Variants in UNC5D observed in about 807,000 individuals in gnomAD.
UNC5D encodes the protein unc-5 netrin receptor D.
A neutral mutation model predicts 105.4 loss-of-function variants in UNC5D; 39 were observed. The observed-to-expected ratio is 0.37, with a 90% CI of 0.29 to 0.48. The LOEUF is 0.48. UNC5D is among the 20% of genes least tolerant of loss of function. The pLI, the probability that UNC5D is intolerant of heterozygous loss-of-function variation, is 0.98. For missense variants in UNC5D, 991 were observed against 1,202.4 expected, an observed-to-expected ratio of 0.82 and a Z score of 2.60; for synonymous variants, 452 against 450.4, an observed-to-expected ratio of 1.00 and a Z score of -0.04.
chr8:35,303,984 T>TA (rs558076959), intron 1 of UNC5D, among the ~76,000 whole-genome samples: 5 of 152,180 alleles, frequency 3.3e-5, no homozygotes, highest in South Asian at 4.2e-4. Flanking sequence ...TCCTCCATGT[T>TA]AAAAAAACAA....
intron 1 of UNC5D, among the ~76,000 whole-genome samples, chr8:35,388,598 T>G (rs1385548942): frequency 6.6e-6 from 1 of 152,208 alleles, no homozygotes; most frequent in Non-Finnish European, 1.5e-5. Context: ...CACGGGCAAG[T>G]ACATAGTATG....
intron 3 of UNC5D, among the ~76,000 whole-genome samples, chr8:35,572,253 A>G (rs1263248137): frequency 8.0e-6 from 1 of 124,662 alleles, no homozygotes; most frequent in Non-Finnish European, 1.6e-5. Context: ...GTGCCATTGC[A>G]CTCCAGCCTG....
intron 3 of UNC5D, among the ~76,000 whole-genome samples, chr8:35,591,480 A>G (rs1251411866): frequency 6.6e-6 from 1 of 152,148 alleles, no homozygotes; most frequent in Non-Finnish European, 1.5e-5. Flanking sequence ...CTCATATCCA[A>G]TGAGTCATTT....
intron 14 of UNC5D, among the ~76,000 whole-genome samples, chr8:35,765,155 G>A (rs149889635): frequency 1.3e-5 from 2 of 152,190 alleles, no homozygotes; most frequent in African/African-American, 4.8e-5. Flanking sequence ...CTGATCTTAG[G>A]GGGGCAGTGA....
chr8:35,623,972 C>G (rs965486290), intron 4 of UNC5D, among the ~76,000 whole-genome samples: 1 of 152,004 alleles, frequency 6.6e-6, no homozygotes, highest in Non-Finnish European at 1.5e-5. Flanking sequence ...CCCAGCTACT[C>G]TGGAGGCTGA....
chr8:35,750,088 A>G (rs901942058), intron 12 of UNC5D, among the ~76,000 whole-genome samples: 1 of 152,064 alleles, frequency 6.6e-6, no homozygotes, highest in Non-Finnish European at 1.5e-5. Flanking sequence ...GATTTTTGTT[A>G]TTATAACCAA....
rs570139440 is a variant in UNC5D, at chr8:35,479,375, A to T, written c.104-69917A>T. Among the ~76,000 whole-genome samples, 22 of 152,300 alleles carry T rather than the reference A, an allele frequency of 1.4e-4. No homozygotes were observed. The South Asian group carries it at 4.3e-3, about 30-fold the overall frequency. Reference sequence around the variant, plus strand: ...CATGACTGTGGAGCCCTCTATTAACAAAATGTACTCTATATAAAGGTTTCT... The same window carrying T: ...CATGACTGTGGAGCCCTCTATTAACTAAATGTACTCTATATAAAGGTTTCT... On this transcript the variant is annotated intron_variant, in intron 1 of 16. Transcript: ENST00000404895.
chr8:35,553,548 G>C (rs1816319766), intron 2 of UNC5D, among the ~76,000 whole-genome samples: 1 of 152,122 alleles, frequency 6.6e-6, no homozygotes, highest in South Asian at 2.1e-4. Flanking sequence ...AAGTCATTTT[G>C]ATTGAATCAA....
At chr8:35,320,732 G>A (rs1809678733) in intron 1 of UNC5D, among the ~76,000 whole-genome samples, 1 of 152,048 alleles carries the variant, frequency 6.6e-6, no homozygotes, top group South Asian at 2.1e-4. Flanking sequence ...ACATCCAAAG[G>A]GAGGAGGGTA....
chr8:35,549,601 A>G (rs1815955552), intron 2 of UNC5D, 91 bp downstream of exon 2: 2 of 1,254,062 alleles, frequency 1.6e-6, no homozygotes, highest in Non-Finnish European at 2.2e-6. Flanking sequence ...ATCACCCCCC[A>G]TTGCCTTGTG....
intron 1 of UNC5D, among the ~76,000 whole-genome samples, chr8:35,275,010 G>A (rs1284264565): frequency 2.6e-5 from 4 of 151,772 alleles, no homozygotes; most frequent in Admixed American, 2.6e-4. Context: ...AGAATTGCTT[G>A]AACCTGGGAG....
intron 7 of UNC5D, among the ~76,000 whole-genome samples, chr8:35,702,721 G>A (rs553022170): frequency 6.6e-6 from 1 of 152,148 alleles, no homozygotes; most frequent in Non-Finnish European, 1.5e-5. Flanking sequence ...TTTCCTTTTG[G>A]GAAAATGCTC....
At chr8:35,320,904 G>T (rs1176047347) in intron 1 of UNC5D, among the ~76,000 whole-genome samples, 1 of 152,086 alleles carries the variant, frequency 6.6e-6, no homozygotes, top group African/African-American at 2.4e-5. Flanking sequence ...CTAACCAATG[G>T]TATTTCTGTA....
intron 4 of UNC5D, among the ~76,000 whole-genome samples, chr8:35,598,600 A>T (rs776826823): frequency 1.3e-5 from 2 of 152,310 alleles, no homozygotes; most frequent in East Asian, 3.9e-4. Flanking sequence ...CTGCACCCCC[A>T]TGTTCATTGC....
chr8:35,518,775 C>T (rs1015687817), intron 1 of UNC5D, among the ~76,000 whole-genome samples: 8 of 152,132 alleles, frequency 5.3e-5, no homozygotes, highest in Non-Finnish European at 1.2e-4. Flanking sequence ...TCTAGGAAGA[C>T]GTGGTCAAAG....
chr8:35,762,572 T>A (rs1801587650), intron 14 of UNC5D, among the ~76,000 whole-genome samples: 1 of 152,154 alleles, frequency 6.6e-6, no homozygotes, highest in African/African-American at 2.4e-5. Context: ...ACATTAGGAA[T>A]ATGTGATTTT....
At chr8:35,431,832 A>G (rs903102074) in intron 1 of UNC5D, among the ~76,000 whole-genome samples, 1 of 152,162 alleles carries the variant, frequency 6.6e-6, no homozygotes, top group African/African-American at 2.4e-5. Context: ...TGTAATATTT[A>G]AAAGTAATTT....
chr8:35,409,927 CT>C (rs568203097), intron 1 of UNC5D, among the ~76,000 whole-genome samples: 84 of 146,432 alleles, frequency 5.7e-4, no homozygotes, highest in Admixed American at 6.8e-4. Flanking sequence ...AATCTTAGCT[CT>C]TTTTTTTTTT....
chr8:35,316,379 G>A (rs1022805104), intron 1 of UNC5D, among the ~76,000 whole-genome samples: 1 of 152,064 alleles, frequency 6.6e-6, no homozygotes, highest in Admixed American at 6.6e-5. Context: ...GATGAGAAAG[G>A]GGCTTACTGA....
Sources: allele counts gnomAD v4.1 joint callset (sites outside exome capture counted in the v4.1 genomes callset), GRCh38; gene constraint gnomAD v4.1.1; transcripts MANE v1.5; gene names NCBI Gene and HGNC (gene_info 2026-07-23, HGNC 2026-07-21).